The following HSD17B12 variants were observed in gnomAD, a reference collection of about 807,000 sequenced individuals.
HSD17B12 encodes the protein hydroxysteroid 17-beta dehydrogenase 12.
In HSD17B12, 32 loss-of-function variants were observed where a neutral mutation model predicts 39.3. The ratio of observed to expected loss-of-function variants is 0.81; its 90% confidence interval spans 0.61 to 1.09. The LOEUF (loss-of-function observed/expected upper bound fraction) is 1.09, where lower values mean the gene tolerates loss of function less well. HSD17B12 is among the 50% of genes least tolerant of loss of function. The pLI is 0.00. For missense variants in HSD17B12, 342 were observed against 382.9 expected, an observed-to-expected ratio of 0.89 and a Z score of 0.89; for synonymous variants, 150 against 146.7, an observed-to-expected ratio of 1.02 and a Z score of -0.16.
chr11:43,696,384 G>C (rs1288493830), intron 1 of HSD17B12, among the ~76,000 whole-genome samples: 1 of 152,188 alleles, frequency 6.6e-6, no homozygotes, highest in Non-Finnish European at 1.5e-5. Context: ...TTCTCAAAAA[G>C]ACATTTATGT....
Position 43,750,264 on chromosome 11 carries a change from T to TA in HSD17B12, c.161-647_161-646insA, listed in dbSNP as rs1565074533. Among the ~76,000 whole-genome samples, 892 of 152,280 alleles carry TA rather than the reference T, an allele frequency of 5.9e-3. 8 individuals carry two copies. The highest frequency in any genetic ancestry group is 0.021 in the African/African-American group (859 of 41,570). On this transcript the variant is annotated intron_variant, in intron 1 of 10. Coordinates refer to ENST00000278353, the MANE Select transcript of HSD17B12 (RefSeq NM_016142.3). ...CTCCACTATCCAGAGATAACCAGTA[T>TA]TCTGACTTCTGTCACCATAGATTAG...
the HSD17B12 span, chr11:43,640,810 A>G: frequency 6.6e-6 from 1 of 152,052 alleles, no homozygotes; most frequent in Non-Finnish European, 1.5e-5. Context: ...TTTTAATTGC[A>G]GCATTAATTT....
At chr11:43,624,661 G>A in the HSD17B12 span, among the ~76,000 whole-genome samples, 1 of 151,688 alleles carries the variant, frequency 6.6e-6, no homozygotes, top group African/African-American at 2.4e-5. Context: ...TATTGATCTG[G>A]TCAACTTAAA....
At chr11:43,651,635 C>T in the HSD17B12 span, among the ~76,000 whole-genome samples, 1 of 152,190 alleles carries the variant, frequency 6.6e-6, no homozygotes, top group Non-Finnish European at 1.5e-5. Context: ...GGCTGCAGTG[C>T]GGTGGTGCAA....
chr11:43,685,574 C>T (rs570669896), intron 1 of HSD17B12, among the ~76,000 whole-genome samples: 1 of 152,326 alleles, frequency 6.6e-6, no homozygotes, highest in African/African-American at 2.4e-5. Context: ...CCTCTTTGAG[C>T]TGTGCTCCGT....
the HSD17B12 span, among the ~76,000 whole-genome samples, chr11:43,590,464 A>G: frequency 7.3e-6 from 1 of 137,678 alleles, no homozygotes; most frequent in African/African-American, 2.6e-5. Context: ...AAAAATCAAG[A>G]CAAGAAATAG....
chr11:43,659,390 A>G, the HSD17B12 span, among the ~76,000 whole-genome samples: 1 of 152,130 alleles, frequency 6.6e-6, no homozygotes, highest in African/African-American at 2.4e-5. Flanking sequence ...AGTGCATTGC[A>G]CCTACTGTCC....
chr11:43,768,506 A>G (rs764229095), intron 3 of HSD17B12, among the ~76,000 whole-genome samples: 26 of 152,002 alleles, frequency 1.7e-4, no homozygotes, highest in Non-Finnish European at 3.1e-4. Flanking sequence ...TTCAAGAATG[A>G]AGAAGCCAAA....
At chr11:43,784,301 ATATTATTAT>A (rs36168037) in intron 3 of HSD17B12, among the ~76,000 whole-genome samples, 4,250 of 143,058 alleles carry the variant, frequency 0.03, 128 homozygotes, top group African/African-American at 0.083. Flanking sequence ...TCAGGGATTG[ATATTATTAT>A]TATTATTATT....
chr11:43,827,706 ATAATC>A (rs1245772039), intron 6 of HSD17B12, among the ~76,000 whole-genome samples: 2 of 152,220 alleles, frequency 1.3e-5, no homozygotes, highest in Non-Finnish European at 1.5e-5. Context: ...TTTTTGCTGA[ATAATC>A]TAATCATCTA....
At chr11:43,690,399 TATATA>T (rs1385709026) in intron 1 of HSD17B12, among the ~76,000 whole-genome samples, 4 of 41,508 alleles carry the variant, frequency 9.6e-5, no homozygotes, top group Admixed American at 2.6e-4. Context: ...TATATATATA[TATATA>T]TTTTTTTTTT....
chr11:43,826,085 T>TC (rs139103548), intron 6 of HSD17B12, among the ~76,000 whole-genome samples: 93,234 of 146,358 alleles, frequency 0.64, 30,019 homozygotes, highest in East Asian at 0.71. Context: ...TTTTTTCTTT[T>TC]TTTTTTTTTT....
At chr11:43,734,220 G>A in intron 1 of HSD17B12, 5 of 1,535,264 alleles carry the variant, frequency 3.3e-6, no homozygotes, top group Admixed American at 1.8e-5. Flanking sequence ...CTTACGGAGC[G>A]AGCAGCCACC....
At chr11:43,630,573 G>A in the HSD17B12 span, among the ~76,000 whole-genome samples, 2 of 152,110 alleles carry the variant, frequency 1.3e-5, no homozygotes, top group Admixed American at 6.5e-5. Flanking sequence ...CCAGCAGTGA[G>A]GTATCTTGCC....
intron 2 of HSD17B12, 94 bp downstream of exon 2, chr11:43,751,051 A>T: frequency 1.2e-6 from 1 of 813,350 alleles, no homozygotes; most frequent in South Asian, 1.7e-5. Context: ...GAAGTAAAAA[A>T]CACAAATATA....
chr11:43,754,175 A>G (rs983521196), intron 3 of HSD17B12, 54 bp downstream of exon 3: 5 of 1,213,828 alleles, frequency 4.1e-6, no homozygotes, highest in Non-Finnish European at 6.1e-6. Flanking sequence ...GTTTTCAAGC[A>G]GTTATCCGAT....
chr11:43,580,070 G>A, the HSD17B12 span, among the ~76,000 whole-genome samples: 1 of 146,240 alleles, frequency 6.8e-6, no homozygotes, highest in South Asian at 2.1e-4. Context: ...TACTAATGGG[G>A]GGGGGGAGGG....
At chr11:43,638,504 A>G in the HSD17B12 span, among the ~76,000 whole-genome samples, 1 of 152,200 alleles carries the variant, frequency 6.6e-6, no homozygotes, top group Non-Finnish European at 1.5e-5. Context: ...ATGGATTTGT[A>G]GCTAATGTTT....
At chr11:43,577,810 C>T in the HSD17B12 span, among the ~76,000 whole-genome samples, 1 of 152,206 alleles carries the variant, frequency 6.6e-6, no homozygotes, top group Non-Finnish European at 1.5e-5. Context: ...CATCGCGGGG[C>T]GCCTTAAAGC....
Sources: allele counts gnomAD v4.1 joint callset (sites outside exome capture counted in the v4.1 genomes callset), GRCh38; gene constraint gnomAD v4.1.1; transcripts MANE v1.5; gene names NCBI Gene and HGNC (gene_info 2026-07-23, HGNC 2026-07-21).